YAP1: variants seen among roughly 807,000 people sequenced by gnomAD.
YAP1 encodes transcriptional coactivator YAP1.
YAP1 carries 5 observed loss-of-function variants against 56.9 expected under a neutral mutation model. The observed-to-expected ratio is 0.09, with a 90% CI of 0.05 to 0.18. YAP1 has a LOEUF of 0.18. YAP1 is among the 10% of genes least tolerant of loss of function. The probability of loss-of-function intolerance (pLI) is 1.00; values close to 1 mark genes in which losing one functional copy is unlikely to be tolerated. For missense variants in YAP1, 539 were observed against 651.8 expected (o/e 0.83, Z 1.88); for synonymous variants, 265 against 248.1 (o/e 1.07, Z -0.64).
chr11:102,175,171 G>A (rs551718066), intron 3 of YAP1, among the ~76,000 whole-genome samples: 23 of 152,182 alleles, frequency 1.5e-4, no homozygotes, highest in Non-Finnish European at 3.1e-4. Flanking sequence ...AGGCCAAGGC[G>A]GGCAGATCAC....
intron 2 of YAP1, among the ~76,000 whole-genome samples, chr11:102,139,900 A>C (rs529536092): frequency 1.3e-5 from 2 of 152,280 alleles, no homozygotes; most frequent in East Asian, 1.9e-4. Flanking sequence ...ACAGAAAATG[A>C]AAATAGCCTA....
intron 2 of YAP1, among the ~76,000 whole-genome samples, chr11:102,119,143 G>C (rs77133519): frequency 1.3e-5 from 2 of 151,784 alleles, no homozygotes; most frequent in Admixed American, 6.6e-5. Context: ...TCTGGGGGGT[G>C]GGGGAGAGCT....
chr11:102,113,547 C>G (rs1237759205), intron 1 of YAP1, among the ~76,000 whole-genome samples: 1 of 152,062 alleles, frequency 6.6e-6, no homozygotes, highest in Non-Finnish European at 1.5e-5. Flanking sequence ...TTTTTTCATC[C>G]TGTTCATTGT....
At chr11:102,116,412 C>T (rs1943291766) in intron 2 of YAP1, among the ~76,000 whole-genome samples, 1 of 152,106 alleles carries the variant, frequency 6.6e-6, no homozygotes, top group African/African-American at 2.4e-5. Context: ...CAATCCTTGA[C>T]CACAGATGCT....
At chr11:102,143,247 A>G (rs1042913544) in intron 2 of YAP1, among the ~76,000 whole-genome samples, 2 of 152,146 alleles carry the variant, frequency 1.3e-5, no homozygotes, top group Non-Finnish European at 2.9e-5. Context: ...TCATTTGGTG[A>G]TCAGTAAATA....
intron 4 of YAP1, among the ~76,000 whole-genome samples, chr11:102,198,368 A>G (rs1342637137): frequency 2.0e-5 from 3 of 152,182 alleles, no homozygotes; most frequent in Non-Finnish European, 4.4e-5. Context: ...GAAGCAAAGG[A>G]TATTTACCAC....
At chr11:102,196,792 T>A (rs1948597171) in intron 4 of YAP1, among the ~76,000 whole-genome samples, 1 of 152,176 alleles carries the variant, frequency 6.6e-6, no homozygotes, top group African/African-American at 2.4e-5. Flanking sequence ...CATTTAGGTA[T>A]ATAGTGTATT....
chr11:102,178,886 C>G (rs938073505), intron 3 of YAP1, among the ~76,000 whole-genome samples: 1 of 152,164 alleles, frequency 6.6e-6, no homozygotes. Context: ...AGGAAGCTTA[C>G]AATCCTAGCA....
intron 3 of YAP1, among the ~76,000 whole-genome samples, chr11:102,170,120 C>G (rs969819832): frequency 1.3e-5 from 2 of 152,236 alleles, no homozygotes; most frequent in South Asian, 4.1e-4. Flanking sequence ...AATGAAGATG[C>G]CACTCGTGTC....
At chr11:102,216,435 T>C (rs1165715101) in intron 6 of YAP1, among the ~76,000 whole-genome samples, 2 of 152,312 alleles carry the variant, frequency 1.3e-5, no homozygotes, top group Non-Finnish European at 2.9e-5. Context: ...TTATATTACA[T>C]TTAAAAATAA....
Position 102,209,718 on chromosome 11 carries a change from A to G in YAP1, c.1032+154A>G, listed in dbSNP as rs1054711711. Among the ~76,000 whole-genome samples, 4 of 152,240 alleles carry G rather than the reference A, an allele frequency of 2.6e-5. No homozygotes were observed. The East Asian group carries it at 7.7e-4, about 29-fold the overall frequency. On this transcript the variant is annotated intron_variant, in intron 6 of 8. Transcript: ENST00000282441. ...TTTCTACCAAGATACTCAGGTTAAC[A>G]TTGCCCTTCCAAGAAAGTCTACACA...
intron 1 of YAP1, chr11:102,112,751 CT>C: frequency 1.0e-6 from 1 of 985,262 alleles, no homozygotes; most frequent in African/African-American, 1.7e-5. Flanking sequence ...CTTAGGTATG[CT>C]TTTTTCTCTT....
At chr11:102,229,131 CTG>C (rs998036935) in intron 8 of YAP1, among the ~76,000 whole-genome samples, 1 of 152,172 alleles carries the variant, frequency 6.6e-6, no homozygotes, top group East Asian at 1.9e-4. Context: ...AAAAAAGGCT[CTG>C]TGGCCAAGTA....
intron 4 of YAP1, among the ~76,000 whole-genome samples, chr11:102,192,342 T>G (rs1431640378): frequency 6.6e-6 from 1 of 152,234 alleles, no homozygotes; most frequent in Non-Finnish European, 1.5e-5. Flanking sequence ...AAGTGTTATA[T>G]TCTATAGTGT....
intron 2 of YAP1, among the ~76,000 whole-genome samples, chr11:102,145,274 A>G (rs957058326): frequency 1.2e-4 from 18 of 152,218 alleles, no homozygotes; most frequent in African/African-American, 4.3e-4. Flanking sequence ...GGTGTTCTCC[A>G]GTAATTGGTT....
intron 2 of YAP1, among the ~76,000 whole-genome samples, chr11:102,136,588 A>G (rs1025411904): frequency 2.0e-5 from 3 of 152,066 alleles, no homozygotes; most frequent in African/African-American, 7.2e-5. Flanking sequence ...TCTGGGCTAA[A>G]GTGATCCACC....
chr11:102,151,826 A>G (rs527897325), intron 2 of YAP1, among the ~76,000 whole-genome samples: 1 of 152,312 alleles, frequency 6.6e-6, no homozygotes, highest in South Asian at 2.1e-4. Flanking sequence ...TTCTGCCTCT[A>G]CGACCCATTA....
chr11:102,135,326 A>T (rs1337113432), intron 2 of YAP1, among the ~76,000 whole-genome samples: 1 of 152,202 alleles, frequency 6.6e-6, no homozygotes, highest in Non-Finnish European at 1.5e-5. Flanking sequence ...TATCTTACAA[A>T]TTTGTGAATT....
chr11:102,140,191 TA>T (rs10692005), intron 2 of YAP1, among the ~76,000 whole-genome samples: 13 of 149,478 alleles, frequency 8.7e-5, no homozygotes, highest in East Asian at 7.8e-4. Flanking sequence ...TCTGTCCCTG[TA>T]AAAAAAAAAA....
Sources: allele counts gnomAD v4.1 joint callset (sites outside exome capture counted in the v4.1 genomes callset), GRCh38; gene constraint gnomAD v4.1.1; transcripts MANE v1.5; gene names NCBI Gene and HGNC (gene_info 2026-07-23, HGNC 2026-07-21).